Variants in CERS3 observed in about 807,000 individuals in gnomAD.
CERS3 encodes LAG1 homolog, ceramide synthase 3.
Under a neutral mutation model 50.3 loss-of-function variants are expected in CERS3, and 33 were observed. That is an observed-to-expected ratio of 0.66 (90% CI 0.50 to 0.88). The LOEUF is 0.88. Ranked by LOEUF, CERS3 falls within the 40% of genes least tolerant of loss-of-function variation. The probability of loss-of-function intolerance (pLI) is 0.00; values close to 1 mark genes in which losing one functional copy is unlikely to be tolerated. For synonymous variants in CERS3, 176 were observed against 155.2 expected, an observed-to-expected ratio of 1.13 and a Z score of -0.99; for missense variants, 470 against 460.3, an observed-to-expected ratio of 1.02 and a Z score of -0.19.
chr15:100,402,667 C>T lies in CERS3; in HGVS notation c.*46G>A, dbSNP rs751052901. The T allele has an allele frequency of 2.7e-5, 43 of 1,584,470 alleles. No homozygotes were observed. In the South Asian group the frequency reaches 4.1e-4, roughly 15 times the overall value. Reference sequence around the variant, plus strand: ...TGGGGCCTGGAAGCCAGGCTGCCAACAGTACTTGCAGCATGCTGTGCCATG... The same window carrying T: ...TGGGGCCTGGAAGCCAGGCTGCCAATAGTACTTGCAGCATGCTGTGCCATG... On this transcript the variant is annotated 3_prime_UTR_variant, in exon 12 of 12. Coordinates refer to ENST00000679737, the MANE Select transcript of CERS3 (RefSeq NM_001378789.1).
chr15:100,467,616 T>G (rs2034789765), intron 10 of CERS3, among the ~76,000 whole-genome samples: 1 of 151,756 alleles, frequency 6.6e-6, no homozygotes, highest in South Asian at 2.1e-4. Context: ...AATTGGAACG[T>G]GTAGTGCCTT....
intron 11 of CERS3, among the ~76,000 whole-genome samples, chr15:100,417,285 G>A (rs2587838): frequency 0.94 from 142,566 of 151,454 alleles, 67,793 homozygotes; most frequent in East Asian, 1. Flanking sequence ...GCAAGGGGTC[G>A]GGGAGTTCCC....
At chr15:100,509,147 T>C (rs1451321740) in intron 2 of CERS3, among the ~76,000 whole-genome samples, 1 of 152,166 alleles carries the variant, frequency 6.6e-6, no homozygotes, top group Non-Finnish European at 1.5e-5. Flanking sequence ...ACGGTCATTC[T>C]TTTCTAACCT....
rs184856491 is a variant in CERS3 at position 100,430,237 on chromosome 15, G to A, written c.999+25656C>T. 9.3e-3 allele frequency among the ~76,000 whole-genome samples: 1,407 copies of A among 151,848 alleles called. 10 individuals are homozygous for A. The highest frequency in any genetic ancestry group is 0.013 in the Non-Finnish European group (901 of 67,952). On this transcript the variant is annotated intron_variant, in intron 11 of 11. Transcript: ENST00000679737. ...TGAGGCAGGAGAATGGCGTGAACCC[G>A]GGAGGCGGAGCTTGCAGTGAGCCGA... is the stretch of plus-strand genomic sequence containing the variant.
intron 11 of CERS3, chr15:100,426,219 G>A (rs2032802939): frequency 1.3e-5 from 2 of 152,026 alleles, no homozygotes; most frequent in South Asian, 4.1e-4. Context: ...ATTAAAATGA[G>A]TTCCTTTGAG....
At chr15:100,494,239 ATATATATATATATATATATT>A (rs565986292) in intron 3 of CERS3, among the ~76,000 whole-genome samples, 16,395 of 51,574 alleles carry the variant, frequency 0.32, 1,957 homozygotes, top group Admixed American at 0.39. Context: ...ATATATATAT[ATATATATATATATATATATT>A]TGTTTTGAGA....
intron 2 of CERS3, among the ~76,000 whole-genome samples, chr15:100,506,504 T>A (rs935058297): frequency 2.7e-5 from 4 of 146,716 alleles, no homozygotes; most frequent in African/African-American, 5.0e-5. Flanking sequence ...ACATTGTTGA[T>A]GGGAATGTGA....
intron 11 of CERS3, among the ~76,000 whole-genome samples, chr15:100,413,851 A>T (rs1206642520): frequency 3.0e-5 from 4 of 135,564 alleles, no homozygotes; most frequent in Non-Finnish European, 6.5e-5. Flanking sequence ...AAATGGACAC[A>T]TTCCTGGAAA....
chr15:100,417,906 A>C (rs1475928319), intron 11 of CERS3, among the ~76,000 whole-genome samples: 1 of 152,052 alleles, frequency 6.6e-6, no homozygotes, highest in East Asian at 1.9e-4. Context: ...AACAGAAAGG[A>C]CATCCACACC....
rs1394162472 is a variant in CERS3, at chr15:100,501,724, T to C, written c.126A>G (p.Thr42=). Residue 42 remains threonine (T), a synonymous_variant, in exon 3 of 12, where the codon ACA becomes ACG. Coordinates refer to ENST00000679737, the MANE Select transcript of CERS3 (RefSeq NM_001378789.1). ...TCAGCAAGAGAAAAGCATATGGAAT[T>C]GTCACGTATAAATGAGAAGGTTTTA... is the stretch of plus-strand genomic sequence containing the variant. ...VFVKPSHLYV[T]IPYAFLLLII... 2 of 1,613,986 alleles carry C rather than the reference T, an allele frequency of 1.2e-6. No individual in the cohort carries two copies. The highest frequency in any genetic ancestry group is 1.3e-5 in the African/African-American group (1 of 75,052).
At chr15:100,449,054 C>T (rs189447019) in intron 11 of CERS3, among the ~76,000 whole-genome samples, 57 of 152,348 alleles carry the variant, frequency 3.7e-4, no homozygotes, top group African/African-American at 1.9e-4. Flanking sequence ...CACATGCGTG[C>T]ACCACAGCAG....
intron 2 of CERS3, among the ~76,000 whole-genome samples, chr15:100,511,064 G>T (rs778701691): frequency 6.6e-5 from 10 of 152,100 alleles, no homozygotes; most frequent in Non-Finnish European, 1.3e-4. Context: ...GAGTTGAGTG[G>T]ATCATCTGAG....
chr15:100,486,755 A>T (rs980605813), intron 4 of CERS3, among the ~76,000 whole-genome samples: 12 of 152,212 alleles, frequency 7.9e-5, no homozygotes, highest in Middle Eastern at 6.3e-3. Flanking sequence ...CCATTCATTC[A>T]TTTGAAAGGA....
chr15:100,443,110 C>T (rs374491245), intron 11 of CERS3, among the ~76,000 whole-genome samples: 1,751 of 148,666 alleles, frequency 0.012, no homozygotes, highest in Admixed American at 0.041. Flanking sequence ...TACAGCCACA[C>T]CTCATTACTG....
intron 2 of CERS3, among the ~76,000 whole-genome samples, chr15:100,512,692 T>C (rs2036381191): frequency 6.6e-6 from 1 of 152,162 alleles, no homozygotes; most frequent in African/African-American, 2.4e-5. Context: ...CTGGATGCAG[T>C]GTGCCTTGAT....
intron 11 of CERS3, among the ~76,000 whole-genome samples, chr15:100,421,398 G>C (rs1312831298): frequency 3.3e-5 from 5 of 151,942 alleles, no homozygotes; most frequent in Non-Finnish European, 7.4e-5. Flanking sequence ...ACCTCTTCAA[G>C]GAGAACTACA....
At chr15:100,423,607 A>G (rs1484419225) in intron 11 of CERS3, among the ~76,000 whole-genome samples, 1 of 152,166 alleles carries the variant, frequency 6.6e-6, no homozygotes, top group Admixed American at 6.5e-5. Context: ...TTGAGGGCGG[A>G]GGGTAGGGGA....
At chr15:100,459,829 A>AT (rs1321606123) in intron 10 of CERS3, among the ~76,000 whole-genome samples, 1 of 152,100 alleles carries the variant, frequency 6.6e-6, no homozygotes, top group Non-Finnish European at 1.5e-5. Context: ...TTATATTCAT[A>AT]TTTTTATTTA....
chr15:100,502,201 C>T (rs1011625869), intron 2 of CERS3, among the ~76,000 whole-genome samples: 62 of 141,238 alleles, frequency 4.4e-4, no homozygotes, highest in African/African-American at 6.4e-4. Flanking sequence ...GCCAAGATCA[C>T]GCCACTGTAC....
Sources: allele counts gnomAD v4.1 joint callset (sites outside exome capture counted in the v4.1 genomes callset), GRCh38; gene constraint gnomAD v4.1.1; transcripts MANE v1.5; gene names NCBI Gene and HGNC (gene_info 2026-07-23, HGNC 2026-07-21).